Variants in ARHGAP24 observed in about 807,000 individuals in gnomAD.
The protein encoded by ARHGAP24 is Rho GTPase activating protein 24.
ARHGAP24 carries 50 observed loss-of-function variants against 76.4 expected under a neutral mutation model. That is an observed-to-expected ratio of 0.65 (90% CI 0.52 to 0.83). The LOEUF (loss-of-function observed/expected upper bound fraction) is 0.83, where lower values mean the gene tolerates loss of function less well. ARHGAP24 is among the 40% of genes least tolerant of loss of function. The pLI is 0.00. For synonymous variants in ARHGAP24, 345 were observed against 323.3 expected, an observed-to-expected ratio of 1.07 and a Z score of -0.72; for missense variants, 930 against 914.2, an observed-to-expected ratio of 1.02 and a Z score of -0.22.
intron 3 of ARHGAP24, among the ~76,000 whole-genome samples, chr4:85,758,060 G>T (rs969522237): frequency 1.4e-4 from 20 of 144,304 alleles, no homozygotes; most frequent in Non-Finnish European, 2.5e-4. Context: ...GAAGAAGAAG[G>T]GGGAAAAAAA....
At chr4:85,538,734 A>G (rs919613186) in intron 1 of ARHGAP24, among the ~76,000 whole-genome samples, 2 of 152,210 alleles carry the variant, frequency 1.3e-5, no homozygotes, top group South Asian at 2.1e-4. Flanking sequence ...TGACATAACA[A>G]AGACTTTTGA....
intron 1 of ARHGAP24, among the ~76,000 whole-genome samples, chr4:85,488,551 T>C (rs1293946517): frequency 1.3e-5 from 2 of 152,118 alleles, no homozygotes; most frequent in Non-Finnish European, 2.9e-5. Flanking sequence ...AATCTTTCCA[T>C]TGGAAAATGA....
At chr4:85,966,100 A>T (rs1347623129) in intron 5 of ARHGAP24, among the ~76,000 whole-genome samples, 1 of 152,164 alleles carries the variant, frequency 6.6e-6, no homozygotes, top group Non-Finnish European at 1.5e-5. Context: ...TGGCTTGCAG[A>T]TAACTGTCTC....
chr4:85,656,743 G>T (rs1168609106), intron 2 of ARHGAP24, among the ~76,000 whole-genome samples: 1 of 151,988 alleles, frequency 6.6e-6, no homozygotes, highest in Non-Finnish European at 1.5e-5. Context: ...TGGGATTACA[G>T]GTGTGAGCCA....
intron 2 of ARHGAP24, among the ~76,000 whole-genome samples, chr4:85,592,116 A>G (rs150621682): frequency 6.6e-6 from 1 of 151,884 alleles, no homozygotes; most frequent in African/African-American, 2.4e-5. Context: ...TTGTCCTAGC[A>G]CTCCTTCCCC....
intron 2 of ARHGAP24, among the ~76,000 whole-genome samples, chr4:85,624,991 C>A (rs1720886211): frequency 6.6e-6 from 1 of 152,126 alleles, no homozygotes; most frequent in South Asian, 2.1e-4. Flanking sequence ...TGCTAGCAGT[C>A]TATCAATTTT....
At chr4:85,717,062 G>A (rs1217064405) in intron 2 of ARHGAP24, among the ~76,000 whole-genome samples, 2 of 152,036 alleles carry the variant, frequency 1.3e-5, no homozygotes, top group African/African-American at 4.8e-5. Flanking sequence ...GAGAATATCT[G>A]GGGGAACAAA....
At chr4:85,908,152 AAC>A (rs1165309755) in intron 3 of ARHGAP24, among the ~76,000 whole-genome samples, 2 of 152,174 alleles carry the variant, frequency 1.3e-5, no homozygotes, top group African/African-American at 4.8e-5. Flanking sequence ...TATTTGTCAA[AAC>A]ACTTTTCAAG....
chr4:85,715,918 A>G (rs1206693721), intron 2 of ARHGAP24, among the ~76,000 whole-genome samples: 3 of 152,072 alleles, frequency 2.0e-5, no homozygotes, highest in Non-Finnish European at 4.4e-5. Flanking sequence ...CTTGCTGTAA[A>G]GAAAAAAATT....
intron 2 of ARHGAP24, among the ~76,000 whole-genome samples, chr4:85,666,003 C>A (rs973617234): frequency 6.6e-6 from 1 of 152,260 alleles, no homozygotes; most frequent in Non-Finnish European, 1.5e-5. Flanking sequence ...CTTGAAGTTT[C>A]ACTTCTTGAG....
intron 3 of ARHGAP24, among the ~76,000 whole-genome samples, chr4:85,915,503 G>T (rs1166789968): frequency 6.6e-6 from 1 of 152,140 alleles, no homozygotes. Context: ...CACGTGCCAT[G>T]GTGGTTTGCC....
At chr4:85,900,680 C>A (rs1055544113) in intron 3 of ARHGAP24, among the ~76,000 whole-genome samples, 2 of 152,140 alleles carry the variant, frequency 1.3e-5, no homozygotes, top group African/African-American at 4.8e-5. Flanking sequence ...CCTGCCTCGG[C>A]CTCCCAAAGT....
intron 2 of ARHGAP24, among the ~76,000 whole-genome samples, chr4:85,639,330 T>A (rs1213482437): frequency 6.6e-6 from 1 of 152,104 alleles, no homozygotes; most frequent in African/African-American, 2.4e-5. Context: ...CTCAGTGCAT[T>A]TTTTTAGCCT....
At chr4:85,739,511 T>C (rs558972435) in intron 3 of ARHGAP24, among the ~76,000 whole-genome samples, 2 of 152,296 alleles carry the variant, frequency 1.3e-5, no homozygotes, top group South Asian at 2.1e-4. Flanking sequence ...TCCATTTTCT[T>C]CCAAATTCCA....
At chr4:85,591,216 T>C (rs182962718) in intron 2 of ARHGAP24, among the ~76,000 whole-genome samples, 8 of 151,916 alleles carry the variant, frequency 5.3e-5, no homozygotes, top group Non-Finnish European at 1.0e-4. Flanking sequence ...TGGCTAATTA[T>C]TGTATTTTTA....
chr4:85,913,508 A>G (rs1735200579), intron 3 of ARHGAP24, among the ~76,000 whole-genome samples: 1 of 152,058 alleles, frequency 6.6e-6, no homozygotes, highest in African/African-American at 2.4e-5. Flanking sequence ...CCATAGCTAC[A>G]GTATTACCTG....
At chr4:85,570,790 C>T (rs1285407754) in intron 2 of ARHGAP24, 69 bp downstream of exon 2, 3 of 1,559,014 alleles carry the variant, frequency 1.9e-6, no homozygotes, top group East Asian at 4.6e-5. Context: ...TTGCTAGAAA[C>T]CGATTGGGAC....
chr4:85,583,692 A>C (rs1727708349), intron 2 of ARHGAP24, among the ~76,000 whole-genome samples: 2 of 151,474 alleles, frequency 1.3e-5, no homozygotes, highest in African/African-American at 4.8e-5. Flanking sequence ...CAACCTACTC[A>C]TCTGACAAAG....
chr4:85,836,589 A>T (rs1730302803), intron 3 of ARHGAP24, among the ~76,000 whole-genome samples: 1 of 152,116 alleles, frequency 6.6e-6, no homozygotes, highest in South Asian at 2.1e-4. Flanking sequence ...TACCACTTTG[A>T]CCTGTAAAGA....
Sources: gnomAD v4.1 joint callset for allele counts (sites outside exome capture counted in the v4.1 genomes callset) on GRCh38, gnomAD v4.1.1 for gene constraint, MANE v1.5 for transcripts, NCBI Gene and HGNC (gene_info 2026-07-23, HGNC 2026-07-21) for gene names.